The following PON2 variants were observed in gnomAD, a reference collection of about 807,000 sequenced individuals.
PON2 encodes serum paraoxonase/arylesterase 2.
Under a neutral mutation model 36.6 loss-of-function variants are expected in PON2, and 27 were observed. That is an observed-to-expected ratio of 0.74 (90% CI 0.54 to 1.02). The LOEUF is 1.02. Among genes scored for constraint, PON2 ranks in the 50% least tolerant of loss-of-function variants. PON2 has a pLI of 0.00. For synonymous variants in PON2, 149 were observed against 156.3 expected (o/e 0.95, Z 0.35); for missense variants, 363 against 421.1 (o/e 0.86, Z 1.21).
Position 95,412,451 on chromosome 7 carries a change from G to A in PON2, c.228C>T (p.Ser76=), listed in dbSNP as rs747794096. The change falls in exon 4 of 9, where the codon AGC becomes AGT. Residue 76 remains serine, a synonymous_variant. Coordinates refer to ENST00000222572, the MANE Select transcript of PON2 (RefSeq NM_000305.3). ...TTCCTCCAGGCTTATCTGGTGCAAA[G>A]CTGTGGAGTCCTGGGAATTTTAGAC... ...SVGLKFPGLH[S]FAPDKPGGIL... 5 of 1,613,950 alleles carry A rather than the reference G, an allele frequency of 3.1e-6. No homozygotes were observed. Among genetic ancestry groups the A allele is most frequent in the African/African-American group, 1.3e-5 (1 of 74,912 alleles).
Position 95,431,710 on chromosome 7 carries a change from G to C in PON2, c.74+3168C>G, listed in dbSNP as rs549805566. On this transcript the variant is annotated intron_variant, in intron 1 of 8. Coordinates refer to ENST00000222572, the MANE Select transcript of PON2 (RefSeq NM_000305.3). ...GCTGGGATTACAGACGTGAGCCACT[G>C]TGTCCGGCCAAACATGCTCCTTTTT... 1.1e-3 allele frequency among the ~76,000 whole-genome samples: 174 copies of C among 152,116 alleles called. 1 individual carries two copies. The highest frequency in any genetic ancestry group is 3.8e-3 in the African/African-American group (156 of 41,514).
chr7:95,422,373 T>C (rs543628960), intron 2 of PON2, among the ~76,000 whole-genome samples: 66 of 152,102 alleles, frequency 4.3e-4, no homozygotes, highest in Non-Finnish European at 9.3e-4. Context: ...CTGTTGGGGG[T>C]GATGAAGAGT....
chr7:95,425,542 T>G (rs1219972285), intron 1 of PON2, among the ~76,000 whole-genome samples: 1 of 152,228 alleles, frequency 6.6e-6, no homozygotes, highest in East Asian at 1.9e-4. Flanking sequence ...GTAGAAACTT[T>G]ACATTTTTCA....
At chr7:95,414,730 A>C (rs1789021671) in intron 3 of PON2, among the ~76,000 whole-genome samples, 2 of 152,264 alleles carry the variant, frequency 1.3e-5, no homozygotes, top group South Asian at 4.1e-4. Flanking sequence ...TAGTGGTCCC[A>C]GTGGTTTTTC....
At chr7:95,421,569 T>G (rs1789193158) in intron 2 of PON2, among the ~76,000 whole-genome samples, 1 of 152,192 alleles carries the variant, frequency 6.6e-6, no homozygotes, top group Non-Finnish European at 1.5e-5. Flanking sequence ...ACTCTTGAAC[T>G]GTCTGCATGA....
At chr7:95,407,763 C>A (rs1449273464) in intron 6 of PON2, among the ~76,000 whole-genome samples, 1 of 152,022 alleles carries the variant, frequency 6.6e-6, no homozygotes, top group African/African-American at 2.4e-5. Flanking sequence ...GGTTTGTACA[C>A]ATTAAACACC....
chr7:95,431,234 G>A (rs970515922), intron 1 of PON2, among the ~76,000 whole-genome samples: 1 of 152,054 alleles, frequency 6.6e-6, no homozygotes, highest in African/African-American at 2.4e-5. Context: ...TATCCCTCTG[G>A]GACATCCTTA....
At chr7:95,414,418 G>GA (rs1191720590) in intron 3 of PON2, among the ~76,000 whole-genome samples, 1 of 152,060 alleles carries the variant, frequency 6.6e-6, no homozygotes, top group African/African-American at 2.4e-5. Context: ...GAGGGTAACA[G>GA]AAAAAAAGCA....
rs186807286 is a variant in PON2 at position 95,424,675 on chromosome 7, G to A, written c.75-90C>T. 6.2e-5 allele frequency: 59 copies of A among 946,548 alleles called. No homozygotes were observed. In the East Asian group the frequency reaches 1.2e-3, roughly 19 times the overall value. 58.6% of individuals were successfully genotyped at this position (946,548 alleles called of 1,614,324 possible). A position where few individuals can be genotyped will look rare whatever the true frequency, so the allele number is the denominator to read the frequency against. On this transcript the variant is annotated intron_variant, in intron 1 of 8. Coordinates refer to ENST00000222572, the MANE Select transcript of PON2 (RefSeq NM_000305.3). ...TAGAAAGGGTTTAAAGAGGCTTACA[G>A]CAATACATAAAACACAGTTTAAGTC... is the stretch of plus-strand genomic sequence containing the variant.
intron 1 of PON2, among the ~76,000 whole-genome samples, chr7:95,426,835 C>G (rs979473125): frequency 2.0e-5 from 3 of 152,234 alleles, no homozygotes; most frequent in African/African-American, 7.2e-5. Context: ...CAACTTACTA[C>G]TATGCCTATT....
chr7:95,406,126 G>T lies in PON2; in HGVS notation c.899C>A (p.Ser300Ter), dbSNP rs377508329. The change falls in exon 8 of 9, where the codon TCG (serine) becomes TAG (stop). Residue 300 changes from serine (S) to a stop codon, truncating the protein, a stop_gained. Coordinates refer to ENST00000222572, the MANE Select transcript of PON2 (RefSeq NM_000305.3). LOFTEE classifies it high-confidence loss of function. ...LFVYDPNNPP[S>*]SEVLRIQNIL... ...AACTGAAAATATAAAAACCTCTGACGAGGGAGGATTGTTCGGGTCATACAC... is the reference window on the plus strand; with the variant it reads ...AACTGAAAATATAAAAACCTCTGACTAGGGAGGATTGTTCGGGTCATACAC... The T allele has an allele frequency of 1.2e-6, 2 of 1,613,474 alleles. No individual in the cohort carries two copies. The highest frequency in any genetic ancestry group is 1.7e-6 in the Non-Finnish European group (2 of 1,179,648).
chr7:95,431,913 TAAAA>T (rs35310147), intron 1 of PON2, among the ~76,000 whole-genome samples: 1 of 143,874 alleles, frequency 7.0e-6, no homozygotes, highest in Admixed American at 6.9e-5. Flanking sequence ...ATGCTTATAC[TAAAA>T]AAAAAAAAAA....
chr7:95,416,416 G>GT (rs1789063602), intron 2 of PON2, 119 bp from the exon 3 acceptor site: 2 of 1,186,792 alleles, frequency 1.7e-6, no homozygotes, highest in Non-Finnish European at 1.2e-6. Context: ...TGGTTCTGAT[G>GT]TTTTTTCCAA....
chr7:95,429,954 C>T (rs1789399533), intron 1 of PON2, among the ~76,000 whole-genome samples: 1 of 152,116 alleles, frequency 6.6e-6, no homozygotes, highest in African/African-American at 2.4e-5. Flanking sequence ...TATTTGGAAT[C>T]AGGAGACCTG....
intron 7 of PON2, 86 bp from the exon 8 acceptor site, chr7:95,406,333 G>T: frequency 7.1e-7 from 1 of 1,413,080 alleles, no homozygotes; most frequent in Non-Finnish European, 9.9e-7. Context: ...CTCTATGCAT[G>T]TGAGGAAATT....
At chr7:95,420,801 A>C (rs959280840) in intron 2 of PON2, among the ~76,000 whole-genome samples, 3 of 152,228 alleles carry the variant, frequency 2.0e-5, no homozygotes, top group African/African-American at 7.2e-5. Flanking sequence ...TATCATAAAA[A>C]GTCACTTTTG....
At position 95,406,128 on chromosome 7, in the gene PON2, G is replaced by C; in HGVS notation, c.897C>G (p.Pro299=). ...CTGAAAATATAAAAACCTCTGACGA[G>C]GGAGGATTGTTCGGGTCATACACGA... is the stretch of plus-strand genomic sequence containing the variant. ...KLFVYDPNNP[P]SSEVLRIQNI... The change falls in exon 8 of 9, where the codon CCC becomes CCG. Residue 299 remains proline, a synonymous_variant. Coordinates refer to ENST00000222572, the MANE Select transcript of PON2 (RefSeq NM_000305.3). The C allele has an allele frequency of 1.2e-6, 2 of 1,613,740 alleles. No homozygotes were observed. Among genetic ancestry groups the C allele is most frequent in the Non-Finnish European group, 1.7e-6 (2 of 1,179,708 alleles).
At chr7:95,430,501 T>C (rs1222386149) in intron 1 of PON2, among the ~76,000 whole-genome samples, 1 of 151,820 alleles carries the variant, frequency 6.6e-6, no homozygotes, top group Non-Finnish European at 1.5e-5. Flanking sequence ...GGTTTCACCA[T>C]GTTGGTCAGG....
At chr7:95,408,971 C>T (rs1270892095) in intron 6 of PON2, among the ~76,000 whole-genome samples, 2 of 152,080 alleles carry the variant, frequency 1.3e-5, no homozygotes, top group Admixed American at 6.6e-5. Flanking sequence ...GGATTTGAAC[C>T]CAGGCCTGTA....
Sources: allele counts gnomAD v4.1 joint callset (sites outside exome capture counted in the v4.1 genomes callset), GRCh38; gene constraint gnomAD v4.1.1; transcripts MANE v1.5; gene names NCBI Gene and HGNC (gene_info 2026-07-23, HGNC 2026-07-21).